MTUS2: variants seen among roughly 807,000 people sequenced by gnomAD.
MTUS2 encodes microtubule associated scaffold protein 2, also known as microtubule-associated tumor suppressor candidate 2.
Under a neutral mutation model 114.1 loss-of-function variants are expected in MTUS2, and 40 were observed. That is an observed-to-expected ratio of 0.35 (90% confidence interval 0.27 to 0.46). The LOEUF (loss-of-function observed/expected upper bound fraction) is 0.46, where lower values mean the gene tolerates loss of function less well. Among genes scored for constraint, MTUS2 ranks in the 20% least tolerant of loss-of-function variants. The probability of loss-of-function intolerance (pLI) is 1.00; values close to 1 mark genes in which losing one functional copy is unlikely to be tolerated. For missense variants in MTUS2, 1,679 were observed against 1,705.4 expected, an observed-to-expected ratio of 0.98 and a Z score of 0.27; for synonymous variants, 688 against 672.0, an observed-to-expected ratio of 1.02 and a Z score of -0.37.
At chr13:28,852,180 C>T (rs919462093) in intron 2 of MTUS2, among the ~76,000 whole-genome samples, 51 of 152,242 alleles carry the variant, frequency 3.3e-4, no homozygotes, top group African/African-American at 1.2e-3. Flanking sequence ...CTCAGAGGGG[C>T]CTCACCTGAT....
intron 7 of MTUS2, among the ~76,000 whole-genome samples, chr13:29,341,256 A>G (rs1379714023): frequency 6.6e-6 from 1 of 152,184 alleles, no homozygotes; most frequent in Non-Finnish European, 1.5e-5. Context: ...GTACTAGTTT[A>G]CATTCCCACC....
chr13:29,193,941 A>G (rs1239271845), intron 5 of MTUS2, among the ~76,000 whole-genome samples: 6 of 152,264 alleles, frequency 3.9e-5, no homozygotes, highest in East Asian at 3.9e-4. Flanking sequence ...ATAACGCCGC[A>G]TATCTACAAA....
intron 5 of MTUS2, among the ~76,000 whole-genome samples, chr13:29,115,948 C>T (rs1404123505): frequency 2.6e-5 from 4 of 152,272 alleles, no homozygotes; most frequent in Non-Finnish European, 4.4e-5. Flanking sequence ...GGTGGTGGGG[C>T]CATAACAGAG....
At chr13:29,340,496 AT>A (rs912433659) in intron 7 of MTUS2, among the ~76,000 whole-genome samples, 1 of 152,106 alleles carries the variant, frequency 6.6e-6, no homozygotes, top group Non-Finnish European at 1.5e-5. Context: ...ACTTTTTGCA[AT>A]TTTGCTCTTA....
At position 29,177,670 on chromosome 13, in the gene MTUS2, G is replaced by T. The variant is rs565872669; in HGVS notation, c.2644+76700G>T. Among the ~76,000 whole-genome samples, 3 of 152,254 alleles carry T rather than the reference G, an allele frequency of 2.0e-5. No homozygotes were observed. The South Asian group carries it at 6.2e-4, about 32-fold the overall frequency. On this transcript the variant is annotated intron_variant, in intron 5 of 15. Transcript: ENST00000612955. ...AGTAGCAATTGGTTCAAAAAAACAG[G>T]TAATCCTACTTCCTTCCTGGAAACT...
chr13:29,273,296 G>GT (rs954624122), intron 5 of MTUS2, among the ~76,000 whole-genome samples: 5 of 152,192 alleles, frequency 3.3e-5, no homozygotes, highest in Non-Finnish European at 5.9e-5. Context: ...GGATGCAATA[G>GT]TAGGTTTCAG....
Position 29,024,570 on chromosome 13 carries a change from T to A in MTUS2, c.-129T>A. The A allele has an allele frequency of 9.0e-7, 1 of 1,111,494 alleles. No individual in the cohort carries two copies. Among genetic ancestry groups the A allele is most frequent in the East Asian group, 2.4e-5 (1 of 41,834 alleles). 68.9% of individuals were successfully genotyped at this position (1,111,494 alleles called of 1,614,324 possible). The stretch of plus-strand genomic sequence containing the variant: ...TGTTCTGAGAATGATTAAAGCAGTG[T>A]CGCAAGGTGACATTGTCAGGGGAGA... On this transcript the variant is annotated 5_prime_UTR_variant, in exon 3 of 16. Transcript: ENST00000612955.
chr13:29,497,169 A>G (rs1882603117), intron 12 of MTUS2, 69 bp from the exon 13 acceptor site: 2 of 1,405,006 alleles, frequency 1.4e-6, no homozygotes, highest in Admixed American at 1.7e-5. Context: ...TGCTGATCAC[A>G]GCTGCCCAGG....
intron 7 of MTUS2, among the ~76,000 whole-genome samples, chr13:29,330,995 G>C (rs950145797): frequency 6.6e-6 from 1 of 152,084 alleles, no homozygotes; most frequent in Non-Finnish European, 1.5e-5. Context: ...AGCTTGATGG[G>C]GATAGCACTG....
At chr13:29,138,558 A>G (rs1892081294) in intron 5 of MTUS2, among the ~76,000 whole-genome samples, 1 of 122,584 alleles carries the variant, frequency 8.2e-6, no homozygotes, top group Non-Finnish European at 1.9e-5. Flanking sequence ...GAAAGACTAT[A>G]TTAAAAATTA....
chr13:28,984,358 G>A (rs1884485932), intron 2 of MTUS2, among the ~76,000 whole-genome samples: 1 of 152,128 alleles, frequency 6.6e-6, no homozygotes, highest in Non-Finnish European at 1.5e-5. Context: ...CCTTCTGGGG[G>A]AAATTTTGGT....
At chr13:29,083,512 C>A (rs767217459) in intron 4 of MTUS2, among the ~76,000 whole-genome samples, 4 of 152,122 alleles carry the variant, frequency 2.6e-5, no homozygotes, top group Non-Finnish European at 4.4e-5. Flanking sequence ...AACATATTAG[C>A]CAAATCTATA....
At chr13:28,979,502 C>T (rs1231300958) in intron 2 of MTUS2, among the ~76,000 whole-genome samples, 1 of 152,124 alleles carries the variant, frequency 6.6e-6, no homozygotes, top group Non-Finnish European at 1.5e-5. Context: ...TTGCTTTTCT[C>T]ATCCTAAAAC....
intron 3 of MTUS2, among the ~76,000 whole-genome samples, chr13:29,031,553 A>C (rs1050690263): frequency 5.9e-5 from 9 of 151,912 alleles, no homozygotes; most frequent in Non-Finnish European, 1.0e-4. Context: ...TTGGGTCTGA[A>C]GGTGATCTAC....
At chr13:28,968,757 T>C (rs1430386080) in intron 2 of MTUS2, among the ~76,000 whole-genome samples, 1 of 152,240 alleles carries the variant, frequency 6.6e-6, no homozygotes, top group Admixed American at 6.5e-5. Flanking sequence ...TTTTTAACTT[T>C]TTAAACTTTG....
At chr13:29,241,692 C>T (rs534507001) in intron 5 of MTUS2, among the ~76,000 whole-genome samples, 3 of 152,246 alleles carry the variant, frequency 2.0e-5, no homozygotes, top group South Asian at 4.1e-4. Context: ...ACAAGAACCC[C>T]GTCTTAGTTT....
chr13:29,324,738 T>TG (rs748157982), intron 7 of MTUS2, 27 bp downstream of exon 7: 24 of 1,540,064 alleles, frequency 1.6e-5, no homozygotes, highest in Non-Finnish European at 2.0e-5. Context: ...ATGTGTTCCT[T>TG]GGGGGAATGA....
chr13:29,157,613 G>A (rs373281295), intron 5 of MTUS2, among the ~76,000 whole-genome samples: 1 of 152,246 alleles, frequency 6.6e-6, no homozygotes, highest in East Asian at 1.9e-4. Flanking sequence ...TGGCTGCTAT[G>A]GGCTTCCAAC....
intron 5 of MTUS2, among the ~76,000 whole-genome samples, chr13:29,171,545 C>T (rs1893563470): frequency 6.6e-6 from 1 of 151,942 alleles, no homozygotes; most frequent in Non-Finnish European, 1.5e-5. Flanking sequence ...GGTGAGATCT[C>T]CAAGTAGATG....
Sources: allele counts gnomAD v4.1 joint callset (sites outside exome capture counted in the v4.1 genomes callset), GRCh38; gene constraint gnomAD v4.1.1; transcripts MANE v1.5; gene names NCBI Gene and HGNC (gene_info 2026-07-23, HGNC 2026-07-21).